The following RBM6 variants were observed in gnomAD, a reference collection of about 807,000 sequenced individuals.
The protein encoded by RBM6 is RNA-binding protein 6.
In RBM6, 23 loss-of-function variants were observed where a neutral mutation model predicts 140.4. The ratio of observed to expected loss-of-function variants is 0.16; its 90% CI spans 0.12 to 0.23. The LOEUF (loss-of-function observed/expected upper bound fraction) is 0.23, where lower values mean the gene tolerates loss of function less well. Ranked by LOEUF, RBM6 falls within the 10% of genes least tolerant of loss-of-function variation. The probability of loss-of-function intolerance (pLI) is 1.00; values close to 1 mark genes in which losing one functional copy is unlikely to be tolerated. For synonymous variants in RBM6, 439 were observed against 475.6 expected, an observed-to-expected ratio of 0.92 and a Z score of 1.00; for missense variants, 1,139 against 1,386.7, an observed-to-expected ratio of 0.82 and a Z score of 2.84.
At chr3:49,954,466 A>G (rs569476629) in intron 1 of RBM6, among the ~76,000 whole-genome samples, 1 of 151,634 alleles carries the variant, frequency 6.6e-6, no homozygotes, top group South Asian at 2.1e-4. Flanking sequence ...AAAATTTGTG[A>G]AGACAAGGTC....
intron 6 of RBM6, among the ~76,000 whole-genome samples, chr3:50,008,021 A>G (rs1559579120): frequency 6.6e-6 from 1 of 152,238 alleles, no homozygotes; most frequent in East Asian, 1.9e-4. Context: ...ACTTGTGCCC[A>G]GGAGTTCAAG....
chr3:49,957,002 AG>A (rs2084023165), intron 1 of RBM6, among the ~76,000 whole-genome samples: 1 of 151,984 alleles, frequency 6.6e-6, no homozygotes, highest in Non-Finnish European at 1.5e-5. Flanking sequence ...TCTTTTTAAG[AG>A]GGAGGGTCTT....
chr3:50,003,041 A>G (rs1036794738), intron 6 of RBM6, among the ~76,000 whole-genome samples: 4 of 152,040 alleles, frequency 2.6e-5, no homozygotes, highest in African/African-American at 4.8e-5. Flanking sequence ...GCTTGAACCC[A>G]GGAGGTGGAG....
intron 19 of RBM6, among the ~76,000 whole-genome samples, chr3:50,073,357 A>G (rs778732058): frequency 6.6e-6 from 1 of 152,188 alleles, no homozygotes; most frequent in Non-Finnish European, 1.5e-5. Context: ...GTGTCACCTC[A>G]TGGTGGAAAG....
At chr3:49,948,685 T>C (rs72942333) in intron 1 of RBM6, among the ~76,000 whole-genome samples, 76,576 of 147,856 alleles carry the variant, frequency 0.52, 21,115 homozygotes, top group African/African-American at 0.68. Context: ...GCACTCTAGA[T>C]TGGCAGCAGA....
At chr3:49,984,268 A>C (rs1258064885) in intron 5 of RBM6, among the ~76,000 whole-genome samples, 3 of 152,174 alleles carry the variant, frequency 2.0e-5, no homozygotes, top group Non-Finnish European at 4.4e-5. Flanking sequence ...ATGCCACTGC[A>C]CTCCAGCATG....
At chr3:50,022,645 C>T (rs932257636) in intron 6 of RBM6, among the ~76,000 whole-genome samples, 3 of 151,730 alleles carry the variant, frequency 2.0e-5, no homozygotes, top group Non-Finnish European at 2.9e-5. Flanking sequence ...TGTAGTTTTT[C>T]TCCCTTAGGT....
intron 3 of RBM6, among the ~76,000 whole-genome samples, chr3:49,971,676 C>T (rs2084801843): frequency 6.6e-6 from 1 of 151,954 alleles, no homozygotes. Flanking sequence ...TAGCTGGGAC[C>T]ACAGGCGTGC....
At chr3:49,952,502 GTT>G (rs36056766) in intron 1 of RBM6, among the ~76,000 whole-genome samples, 48 of 138,728 alleles carry the variant, frequency 3.5e-4, no homozygotes, top group South Asian at 6.9e-4. Flanking sequence ...CTTATCCTTT[GTT>G]TTTTTTTTTT....
intron 1 of RBM6, among the ~76,000 whole-genome samples, chr3:49,955,860 C>CTCTCTCTCTCTCTCTGTG (rs1553637396): frequency 1.4e-5 from 2 of 145,476 alleles, no homozygotes; most frequent in African/African-American, 5.1e-5. Flanking sequence ...CTCTCTCTCT[C>CTCTCTCTCTCTCTCTGTG]TGTGTGTGTG....
At chr3:50,029,759 TAAAG>T (rs2088042736) in intron 6 of RBM6, among the ~76,000 whole-genome samples, 1 of 151,592 alleles carries the variant, frequency 6.6e-6, no homozygotes, top group African/African-American at 2.4e-5. Context: ...AATAAATAAA[TAAAG>T]GAGTAATTCC....
chr3:50,018,888 C>T (rs1363230951), intron 6 of RBM6, among the ~76,000 whole-genome samples: 2 of 151,984 alleles, frequency 1.3e-5, no homozygotes, highest in African/African-American at 4.8e-5. Context: ...TGCACCCAGC[C>T]TGTAGAGTAT....
intron 7 of RBM6, among the ~76,000 whole-genome samples, chr3:50,049,654 T>C (rs2089382916): frequency 6.6e-6 from 1 of 152,162 alleles, no homozygotes; most frequent in Non-Finnish European, 1.5e-5. Flanking sequence ...CTATGATTGT[T>C]ATTAGCCAAA....
intron 7 of RBM6, among the ~76,000 whole-genome samples, chr3:50,051,492 T>G (rs1395405940): frequency 6.6e-6 from 1 of 152,106 alleles, no homozygotes; most frequent in Non-Finnish European, 1.5e-5. Flanking sequence ...AAATACAAAG[T>G]TAGCTGGGCA....
At chr3:50,015,268 C>T (rs777778770) in intron 6 of RBM6, among the ~76,000 whole-genome samples, 8 of 150,944 alleles carry the variant, frequency 5.3e-5, no homozygotes, top group Middle Eastern at 3.2e-3. Context: ...CCACCACGCC[C>T]GGCTAATTTT....
chr3:50,069,507 CAAA>C (rs60210595), intron 18 of RBM6, among the ~76,000 whole-genome samples: 11 of 107,386 alleles, frequency 1.0e-4, no homozygotes, highest in Admixed American at 3.9e-4. Context: ...GACCTTGTCT[CAAA>C]AAAAAAAAAA....
intron 6 of RBM6, among the ~76,000 whole-genome samples, chr3:50,003,718 T>C (rs1354835125): frequency 6.6e-6 from 1 of 152,188 alleles, no homozygotes; most frequent in Non-Finnish European, 1.5e-5. Flanking sequence ...GTACTGAGCT[T>C]TGTGGCTGTG....
chr3:49,949,071 C>T (rs1030571824), intron 1 of RBM6, among the ~76,000 whole-genome samples: 10 of 151,018 alleles, frequency 6.6e-5, no homozygotes, highest in Admixed American at 1.3e-4. Context: ...CCTTGTGATC[C>T]GCTGGCCTCA....
chr3:50,016,668 A>G (rs920564647), intron 6 of RBM6, among the ~76,000 whole-genome samples: 1 of 151,756 alleles, frequency 6.6e-6, no homozygotes, highest in African/African-American at 2.4e-5. Context: ...ACATCTCATT[A>G]TGGTTTTGTT....
Sources: gnomAD v4.1 joint callset for allele counts (sites outside exome capture counted in the v4.1 genomes callset) on GRCh38, gnomAD v4.1.1 for gene constraint, MANE v1.5 for transcripts, NCBI Gene and HGNC (gene_info 2026-07-23, HGNC 2026-07-21) for gene names.